FGF14: variants seen among roughly 807,000 people sequenced by gnomAD.
FGF14 encodes fibroblast growth factor 14, also known as fibroblast growth factor homologous factor 4.
FGF14 carries 5 observed loss-of-function variants against 25.5 expected under a neutral mutation model. The observed-to-expected ratio is 0.20, with a 90% confidence interval of 0.10 to 0.41. The LOEUF is 0.41. FGF14 is among the 10% of genes least tolerant of loss of function. FGF14 has a pLI of 1.00. For missense variants in FGF14, 222 were observed against 320.1 expected, an observed-to-expected ratio of 0.69 and a Z score of 2.34; for synonymous variants, 138 against 118.3, an observed-to-expected ratio of 1.17 and a Z score of -1.08.
At chr13:101,941,818 T>C (rs2035470810) in intron 1 of FGF14, among the ~76,000 whole-genome samples, 1 of 152,218 alleles carries the variant, frequency 6.6e-6, no homozygotes, top group Non-Finnish European at 1.5e-5. Flanking sequence ...ATGAATGTCC[T>C]GAAAAGAATA....
intron 3 of FGF14, among the ~76,000 whole-genome samples, chr13:101,850,559 A>G (rs2043784620): frequency 1.6e-5 from 1 of 60,720 alleles, no homozygotes; most frequent in Non-Finnish European, 3.3e-5. Context: ...ATAGAATTAT[A>G]TATTCTATAT....
At chr13:101,868,527 T>C (rs773204039) in intron 3 of FGF14, 198 bp downstream of exon 3, 1 of 586,426 alleles carries the variant, frequency 1.7e-6, no homozygotes, top group Non-Finnish European at 3.1e-6. Flanking sequence ...TAAGACATAG[T>C]ATTACACTTC....
chr13:102,119,504 T>C (rs532161608), intron 1 of FGF14, among the ~76,000 whole-genome samples: 4 of 152,250 alleles, frequency 2.6e-5, no homozygotes, highest in East Asian at 3.9e-4. Context: ...AAGAAAGTAT[T>C]TTTTAATATT....
At chr13:102,275,234 T>TTCTCTCTCTCTC (rs938286146) in intron 1 of FGF14, among the ~76,000 whole-genome samples, 3 of 67,446 alleles carry the variant, frequency 4.4e-5, no homozygotes, top group Non-Finnish European at 9.1e-5. Flanking sequence ...TTAGGCAGAT[T>TTCTCTCTCTCTC]TCTCTCTCTC....
chr13:101,832,559 G>A (rs958693439), intron 3 of FGF14, among the ~76,000 whole-genome samples: 7 of 151,956 alleles, frequency 4.6e-5, no homozygotes, highest in African/African-American at 1.7e-4. Flanking sequence ...GACAAGACAC[G>A]ATGACCTGCA....
chr13:102,228,495 T>C (rs1251290137), intron 1 of FGF14, among the ~76,000 whole-genome samples: 1 of 152,172 alleles, frequency 6.6e-6, no homozygotes, highest in East Asian at 1.9e-4. Flanking sequence ...TAATATCCTT[T>C]TCCTTGAGAT....
chr13:101,943,383 C>T (rs61965221), intron 1 of FGF14, among the ~76,000 whole-genome samples: 14,171 of 152,144 alleles, frequency 0.093, 844 homozygotes, highest in East Asian at 0.19. Flanking sequence ...CAAGTGATTG[C>T]CACCCCCAGG....
intron 3 of FGF14, among the ~76,000 whole-genome samples, chr13:101,797,266 A>G (rs1395100031): frequency 6.6e-6 from 1 of 152,118 alleles, no homozygotes; most frequent in Non-Finnish European, 1.5e-5. Context: ...ATGCTGGAGT[A>G]TACGGGTTAA....
chr13:102,156,471 T>TA (rs2047345001), intron 1 of FGF14, among the ~76,000 whole-genome samples: 1 of 152,228 alleles, frequency 6.6e-6, no homozygotes, highest in Non-Finnish European at 1.5e-5. Context: ...CCCTTCATGC[T>TA]AAAAACTCTC....
At chr13:101,742,815 T>C (rs2036639629) in intron 3 of FGF14, among the ~76,000 whole-genome samples, 1 of 152,162 alleles carries the variant, frequency 6.6e-6, no homozygotes. Flanking sequence ...CCTCGCAATT[T>C]GTCCACAAGG....
chr13:102,244,494 A>G (rs1051716890), intron 1 of FGF14, among the ~76,000 whole-genome samples: 1 of 151,956 alleles, frequency 6.6e-6, no homozygotes, highest in Non-Finnish European at 1.5e-5. Context: ...AAATTATATT[A>G]TTATCAAATT....
At chr13:101,917,108 C>T (rs1405838403), upstream of FGF14, among the ~76,000 whole-genome samples, 1 of 151,574 alleles carries the variant, frequency 6.6e-6, no homozygotes, top group Non-Finnish European at 1.5e-5. Context: ...CTCTGCGCGT[C>T]CGTCGGTCCG....
At chr13:101,760,316 C>T (rs1249941104) in intron 3 of FGF14, among the ~76,000 whole-genome samples, 1 of 152,116 alleles carries the variant, frequency 6.6e-6, no homozygotes, top group African/African-American at 2.4e-5. Flanking sequence ...CTAGCTTTCA[C>T]CCTCTATTAA....
At chr13:101,963,706 A>G (rs2037010585) in intron 1 of FGF14, among the ~76,000 whole-genome samples, 1 of 152,246 alleles carries the variant, frequency 6.6e-6, no homozygotes, top group South Asian at 2.1e-4. Flanking sequence ...CAGTAGCATC[A>G]TTGAACTCAT....
At chr13:102,201,026 C>T (rs1465802465) in intron 1 of FGF14, among the ~76,000 whole-genome samples, 1 of 137,962 alleles carries the variant, frequency 7.2e-6, no homozygotes, top group African/African-American at 2.7e-5. Flanking sequence ...GGCGTGAACC[C>T]GGGAGGCGGA....
rs768286333 is a variant in FGF14, at chr13:101,715,614, G to A, written c.*7217C>T. ...TGTGAATGCTGGGATGGATGGAATG[G>A]AAATGCATGTGAAATCTGGCTTGGC... On this transcript the variant is annotated 3_prime_UTR_variant, in exon 5 of 5. Coordinates refer to ENST00000376143, the MANE Select transcript of FGF14 (RefSeq NM_004115.4). 1.2e-6 allele frequency: 2 copies of A among 1,613,508 alleles called. No individual in the cohort carries two copies. The highest frequency in any genetic ancestry group is 2.2e-5 in the South Asian group (2 of 91,070).
At chr13:102,043,465 A>C (rs1225527973) in intron 1 of FGF14, among the ~76,000 whole-genome samples, 1 of 152,196 alleles carries the variant, frequency 6.6e-6, no homozygotes, top group Non-Finnish European at 1.5e-5. Flanking sequence ...CAAAACCTCC[A>C]AACAATTTGC....
At chr13:102,033,830 T>C (rs1436297357) in intron 1 of FGF14, among the ~76,000 whole-genome samples, 1 of 152,148 alleles carries the variant, frequency 6.6e-6, no homozygotes, top group East Asian at 1.9e-4. Context: ...TGCAATTCAA[T>C]GCACTTGAAA....
intron 1 of FGF14, among the ~76,000 whole-genome samples, chr13:102,116,355 G>GGT (rs1038302291): frequency 2.6e-5 from 4 of 151,762 alleles, no homozygotes; most frequent in African/African-American, 2.4e-5. Context: ...TACTCCTAGG[G>GGT]GTGTGTGTGT....
Sources: allele counts gnomAD v4.1 joint callset (sites outside exome capture counted in the v4.1 genomes callset), GRCh38; gene constraint gnomAD v4.1.1; transcripts MANE v1.5; gene names NCBI Gene and HGNC (gene_info 2026-07-23, HGNC 2026-07-21).